The following STARD8 variants were observed in gnomAD, a reference collection of about 807,000 sequenced individuals.
The protein encoded by STARD8 is StAR related lipid transfer domain containing 8.
A neutral mutation model predicts 69.4 loss-of-function variants in STARD8; 25 were observed. That is an observed-to-expected ratio of 0.36 (90% CI 0.26 to 0.50). STARD8 has a LOEUF of 0.50. Among genes scored for constraint, STARD8 ranks in the 20% least tolerant of loss-of-function variants. The pLI is 0.96. For missense variants in STARD8, 921 were observed against 932.5 expected, an observed-to-expected ratio of 0.99 and a Z score of 0.16; for synonymous variants, 389 against 374.6, an observed-to-expected ratio of 1.04 and a Z score of -0.45.
Position 68,718,000 on chromosome X carries a change from C to T in STARD8, c.1086C>T (p.Tyr362=), listed in dbSNP as rs767049286. 2.8e-5 allele frequency: 34 copies of T among 1,208,354 alleles called. No homozygotes were observed. The South Asian group carries it at 6.0e-4, about 21-fold the overall frequency. Residue 362 remains tyrosine (Y), a synonymous_variant, in exon 6 of 15, where the codon TAC becomes TAT. Transcript: ENST00000374599. ...ASTYDNLPEL[Y]PAEPVMVGAE... ...CGTATGACAACTTGCCTGAGCTGTA[C>T]CCAGCTGAGCCTGTAATGGTTGGGG...
intron 2 of STARD8, among the ~76,000 whole-genome samples, chrX:68,682,611 C>CT (rs2079807835): frequency 8.9e-6 from 1 of 112,542 alleles, no homozygotes; most frequent in Non-Finnish European, 1.9e-5. Flanking sequence ...ATTTCCTTAT[C>CT]TGTAAAATGG....
rs1282621621 is a variant in STARD8, at chrX:68,650,430, G to A, written c.45+2503G>A. ...TACAGAGCAAGATCCTATAGAAGAA[G>A]AAGAAGGAGGAGGAGGAGGAGGAGG... On this transcript the variant is annotated intron_variant, in intron 1 of 14. Transcript: ENST00000374599. 8.1e-5 allele frequency among the ~76,000 whole-genome samples: 7 copies of A among 85,918 alleles called. No homozygotes were observed. In the East Asian group the frequency reaches 2.1e-3, roughly 26 times the overall value. 74.6% of individuals were successfully genotyped at this position (85,918 alleles called of 115,157 possible). A position where few individuals can be genotyped will look rare whatever the true frequency, so the allele number is the denominator to read the frequency against.
intron 3 of STARD8, among the ~76,000 whole-genome samples, chrX:68,713,743 T>C (rs1162863778): frequency 3.6e-5 from 4 of 112,004 alleles, no homozygotes; most frequent in African/African-American, 6.5e-5. Context: ...TCAACATTTC[T>C]TTCTCATGAG....
chrX:68,723,661 A>G lies in STARD8; in HGVS notation c.2835A>G (p.Ala945=), dbSNP rs1396924710. The G allele has an allele frequency of 8.3e-7, 1 of 1,199,887 alleles. No homozygotes were observed. Among genetic ancestry groups the G allele is most frequent in the Non-Finnish European group, 1.1e-6 (1 of 890,067 alleles). Residue 945 remains alanine (A), a synonymous_variant, in exon 13 of 15, where the codon GCA becomes GCG. Transcript: ENST00000374599. ...PDGHPLRLWK[A]STEVAAPPAV... is the part of the protein sequence containing the mutation. ...GGCACCCCCTGCGGCTATGGAAGGC[A>G]TCCACAGAGGTGGCAGCCCCCCCAG...
chrX:68,650,821 C>CAAAA (rs1158049680), intron 1 of STARD8, among the ~76,000 whole-genome samples: 1 of 110,439 alleles, frequency 9.1e-6, no homozygotes, highest in Non-Finnish European at 1.9e-5. Context: ...CAAAACAAAA[C>CAAAA]AAAACAAAAC....
intron 1 of STARD8, among the ~76,000 whole-genome samples, chrX:68,650,499 AGGAGG>A (rs2079541372): frequency 3.0e-5 from 3 of 99,647 alleles, no homozygotes; most frequent in African/African-American, 1.1e-4. Flanking sequence ...GAGGAGGAGG[AGGAGG>A]AGGAGGAGGA....
intron 2 of STARD8, among the ~76,000 whole-genome samples, chrX:68,687,336 GA>G (rs1297723073): frequency 9.1e-6 from 1 of 110,105 alleles, no homozygotes; most frequent in African/African-American, 3.3e-5. Flanking sequence ...TTTAAAAATT[GA>G]AAAAAAAGTT....
At chrX:68,658,878 A>T (rs1426989368) in intron 1 of STARD8, among the ~76,000 whole-genome samples, 3 of 112,367 alleles carry the variant, frequency 2.7e-5, no homozygotes, top group Non-Finnish European at 3.8e-5. Flanking sequence ...AGCAGTTCCA[A>T]GGCTGAGGCT....
chrX:68,660,329 G>A (rs1352854539), intron 1 of STARD8, among the ~76,000 whole-genome samples: 1 of 111,872 alleles, frequency 8.9e-6, no homozygotes, highest in Non-Finnish European at 1.9e-5. Context: ...GCAAAGAATT[G>A]GTCAAAGGTA....
intron 2 of STARD8, among the ~76,000 whole-genome samples, chrX:68,688,124 G>A (rs1343387087): frequency 8.9e-6 from 1 of 112,587 alleles, no homozygotes; most frequent in Non-Finnish European, 1.9e-5. Flanking sequence ...ATGTATGGAG[G>A]GGAAAGGGGG....
chrX:68,705,437 G>C (rs1210306508), intron 2 of STARD8, among the ~76,000 whole-genome samples: 1 of 112,450 alleles, frequency 8.9e-6, no homozygotes, highest in Non-Finnish European at 1.9e-5. Flanking sequence ...GGAGAGGAGC[G>C]GGGAACCACA....
chrX:68,696,773 G>A (rs1290495038), intron 2 of STARD8, among the ~76,000 whole-genome samples: 1 of 111,733 alleles, frequency 8.9e-6, no homozygotes, highest in Non-Finnish European at 1.9e-5. Context: ...TTAAGTTTAG[G>A]CTTGGTGCTA....
At chrX:68,698,391 T>TG (rs1383709895) in intron 2 of STARD8, among the ~76,000 whole-genome samples, 1 of 111,489 alleles carries the variant, frequency 9.0e-6, no homozygotes, top group African/African-American at 3.3e-5. Context: ...ATGCTGGGTA[T>TG]GGGGTGAGGC....
At chrX:68,690,892 C>T (rs2079872156) in intron 2 of STARD8, among the ~76,000 whole-genome samples, 1 of 112,208 alleles carries the variant, frequency 8.9e-6, no homozygotes, top group Non-Finnish European at 1.9e-5. Context: ...TTTACTTAGC[C>T]TAGTGGATCT....
At chrX:68,661,970 C>CTTTCTTTCTTTCTTTCTT (rs1268838074) in intron 1 of STARD8, among the ~76,000 whole-genome samples, 14 of 56,003 alleles carry the variant, frequency 2.5e-4, no homozygotes, top group African/African-American at 9.1e-4. Flanking sequence ...CTCTCTCTCT[C>CTTTCTTTCTTTCTTTCTT]TCTTTCTTTC....
At chrX:68,720,226 G>A (rs748022233) in intron 7 of STARD8, 38 bp from the exon 8 acceptor site, 1 of 1,148,580 alleles carries the variant, frequency 8.7e-7, no homozygotes, top group East Asian at 3.2e-5. Context: ...TCCAAACTGT[G>A]TTCCCCCTAT....
intron 6 of STARD8, 22 bp from the exon 7 acceptor site, chrX:68,719,203 C>T (rs2080124932): frequency 8.6e-7 from 1 of 1,160,682 alleles, no homozygotes; most frequent in African/African-American, 1.8e-5. Context: ...GCTTCTCCAC[C>T]CCTCTCACCG....
rs1002468143 is a variant in STARD8 at position 68,712,792 on chromosome X, C to T, written c.80-122C>T. Reference sequence around the variant, plus strand: ...GACCTCTGGCCTTCTCTTGCCATTGCTAGATCACCAGAATGAGACATGTCT... The same window carrying T: ...GACCTCTGGCCTTCTCTTGCCATTGTTAGATCACCAGAATGAGACATGTCT... On this transcript the variant is annotated intron_variant, in intron 2 of 14. Coordinates refer to ENST00000374599, the MANE Select transcript of STARD8 (RefSeq NM_001142503.3). 3 of 646,418 alleles carry T rather than the reference C, an allele frequency of 4.6e-6. No individual in the cohort carries two copies. The African/African-American group carries it at 6.6e-5, about 14-fold the overall frequency. The allele number at this position is 646,418 out of a possible 1,213,427, so 53.3% of individuals were successfully genotyped here. A position where few individuals can be genotyped will look rare whatever the true frequency, so the allele number is the denominator to read the frequency against.
At chrX:68,656,226 A>C in intron 1 of STARD8, 1 of 112,320 alleles carries the variant, frequency 8.9e-6, no homozygotes, top group Non-Finnish European at 1.9e-5. Flanking sequence ...TCAAAAGAAG[A>C]CATTTATGCC....
Sources: allele counts gnomAD v4.1 joint callset (sites outside exome capture counted in the v4.1 genomes callset), GRCh38; gene constraint gnomAD v4.1.1; transcripts MANE v1.5; gene names NCBI Gene and HGNC (gene_info 2026-07-23, HGNC 2026-07-21).